LRRC37B: variants seen among roughly 807,000 people sequenced by gnomAD.
LRRC37B encodes leucine-rich repeat-containing protein 37B.
LRRC37B carries 28 observed loss-of-function variants against 98.3 expected under a neutral mutation model. The observed-to-expected ratio is 0.28, with a 90% CI of 0.21 to 0.39. LRRC37B has a LOEUF of 0.39. LRRC37B is among the 10% of genes least tolerant of loss of function. LRRC37B has a pLI of 1.00. For missense variants in LRRC37B, 938 were observed against 1,182.7 expected (o/e 0.79, Z 3.03); for synonymous variants, 364 against 442.7 (o/e 0.82, Z 2.23).
At chr17:32,022,813 T>A (rs756933991) in exon 1 of LRRC37B, 30 of 1,613,712 alleles carry the variant, frequency 1.9e-5, no homozygotes, top group Non-Finnish European at 2.5e-5. Context: ...TACAATGGCA[T>A]CTTCACCACC....
intron 2 of LRRC37B, among the ~76,000 whole-genome samples, chr17:32,026,577 C>T (rs1049993022): frequency 6.6e-5 from 10 of 152,076 alleles, no homozygotes; most frequent in African/African-American, 1.2e-4. Flanking sequence ...TACAGGTGCC[C>T]GCCACCATGC....
chr17:32,038,322 A>G (rs528424638), intron 7 of LRRC37B, among the ~76,000 whole-genome samples: 3,036 of 152,066 alleles, frequency 0.02, 41 homozygotes, highest in Non-Finnish European at 0.03. Flanking sequence ...AGGCAGGTGC[A>G]GTGGTGCTCA....
At chr17:32,043,731 C>T (rs116676555) in intron 7 of LRRC37B, among the ~76,000 whole-genome samples, 155 of 152,228 alleles carry the variant, frequency 1.0e-3, no homozygotes, top group African/African-American at 3.5e-3. Context: ...TGTATCAGGC[C>T]AACTTACTGG....
chr17:32,047,879 C>T (rs371432735), exon 9 of LRRC37B: 140 of 1,614,102 alleles, frequency 8.7e-5, no homozygotes, highest in Non-Finnish European at 1.1e-4. Flanking sequence ...ACAGCAGTGG[C>T]ATCAACTTGT....
In LRRC37B at chr17:32,043,377, G is replaced by A. The variant is rs553321925; in HGVS notation, c.2205-2323G>A. On this transcript the variant is annotated intron_variant, in intron 7 of 11. Transcript: ENST00000327564. ...GGAGTTTGAGACCAGCCTGGGCAAC[G>A]TGGTGAAACCCCATCTCTACAAAAA... is the stretch of plus-strand genomic sequence containing the variant. Among the ~76,000 whole-genome samples, 332 of 152,092 alleles carry A rather than the reference G, an allele frequency of 2.2e-3. 1 individual carries two copies. Among genetic ancestry groups the A allele is most frequent in the African/African-American group, 7.5e-3 (311 of 41,486 alleles).
intron 2 of LRRC37B, among the ~76,000 whole-genome samples, chr17:32,027,310 AGTGTGCTTGTGTGT>A (rs1910982926): frequency 6.6e-6 from 1 of 151,900 alleles, no homozygotes; most frequent in African/African-American, 2.4e-5. Flanking sequence ...AGAGTGGAGC[AGTGTGCTTGTGTGT>A]GTGTGCTTGC....
chr17:32,012,983 C>T (rs1910569697), intron 1 of LRRC37B, among the ~76,000 whole-genome samples: 1 of 152,188 alleles, frequency 6.6e-6, no homozygotes, highest in Admixed American at 6.5e-5. Flanking sequence ...TGCCACTGCA[C>T]TCTAGCCTGG....
intron 8 of LRRC37B, among the ~76,000 whole-genome samples, chr17:32,046,200 G>A (rs1213619904): frequency 2.0e-5 from 3 of 152,210 alleles, no homozygotes; most frequent in Non-Finnish European, 4.4e-5. Flanking sequence ...AGTACTCTCT[G>A]CCTTTTAGGA....
At chr17:32,012,886 A>C (rs1910566741) in intron 1 of LRRC37B, among the ~76,000 whole-genome samples, 1 of 152,126 alleles carries the variant, frequency 6.6e-6, no homozygotes, top group East Asian at 1.9e-4. Flanking sequence ...GCGCGGTGGC[A>C]GGCACCTGTA....
chr17:32,052,568 A>G (rs914730941), intron 11 of LRRC37B: 10 of 152,238 alleles, frequency 6.6e-5, no homozygotes, highest in African/African-American at 2.4e-4. Context: ...ACATCTTCAG[A>G]TTCAACTAGA....
upstream of LRRC37B, among the ~76,000 whole-genome samples, chr17:32,017,632 A>G (rs1252155356): frequency 6.6e-6 from 1 of 152,034 alleles, no homozygotes; most frequent in Non-Finnish European, 1.5e-5. Flanking sequence ...AAGCAGGACC[A>G]TGTCTCTAAA....
chr17:32,021,498 C>T, exon 1 of LRRC37B: 1 of 1,614,084 alleles, frequency 6.2e-7, no homozygotes. Context: ...CTTGGCTGCA[C>T]ATCAGGACTT....
chr17:32,047,969 C>T, intron 9 of LRRC37B, 68 bp downstream of exon 12: 1 of 1,613,046 alleles, frequency 6.2e-7, no homozygotes. Flanking sequence ...TGCCTTATCT[C>T]TCACTGGGAA....
intron 1 of LRRC37B, among the ~76,000 whole-genome samples, chr17:32,009,235 G>A (rs1910476146): frequency 6.6e-6 from 1 of 151,480 alleles, no homozygotes; most frequent in African/African-American, 2.4e-5. Context: ...TTTGCCATCT[G>A]TATATCATTG....
At chr17:32,032,891 C>A (rs1181697054) in intron 5 of LRRC37B, among the ~76,000 whole-genome samples, 1 of 152,134 alleles carries the variant, frequency 6.6e-6, no homozygotes, top group Non-Finnish European at 1.5e-5. Context: ...TGGCCAGGAG[C>A]GGTGGCTCAT....
chr17:32,008,106 C>T lies in LRRC37B; in HGVS notation c.-217C>T. ...GACGACGAGGACGCCAGTTACTCCA[C>T]GGAAAGCAGCTTCAGCAGCACTCCA... On this transcript the variant is annotated 5_prime_UTR_variant, in exon 1 of 15. The change creates a new upstream start codon in the 5' untranslated region. Transcript: ENST00000543378. 2.5e-6 allele frequency: 1 copy of T among 403,890 alleles called. No homozygotes were observed. The highest frequency in any genetic ancestry group is 4.8e-6 in the Non-Finnish European group (1 of 207,004). 25.0% of individuals were successfully genotyped at this position (403,890 alleles called of 1,614,324 possible).
chr17:32,047,923 A>G (rs1911637928), intron 9 of LRRC37B, 22 bp downstream of exon 12: 1 of 1,614,104 alleles, frequency 6.2e-7, no homozygotes, highest in African/African-American at 1.3e-5. Flanking sequence ...GACACCAATG[A>G]CGAGAGTGAT....
chr17:32,048,023 A>G (rs1911641069), intron 9 of LRRC37B, 122 bp downstream of exon 12: 1 of 1,549,526 alleles, frequency 6.5e-7, no homozygotes. Flanking sequence ...CTGAACAGCT[A>G]TTTTCAAATG....
exon 1 of LRRC37B, chr17:32,021,872 G>A (rs755772950): frequency 6.2e-7 from 1 of 1,614,126 alleles, no homozygotes; most frequent in Non-Finnish European, 8.5e-7. Context: ...CAGAACTCCG[G>A]GTGAACGCAG....
Sources: allele counts gnomAD v4.1 joint callset (sites outside exome capture counted in the v4.1 genomes callset), GRCh38; gene constraint gnomAD v4.1.1; transcripts MANE v1.5; gene names NCBI Gene and HGNC (gene_info 2026-07-23, HGNC 2026-07-21).